The following HDX variants were observed in gnomAD, a reference collection of about 807,000 sequenced individuals.
The protein encoded by HDX is highly divergent homeobox.
A neutral mutation model predicts 45.2 loss-of-function variants in HDX; 19 were observed. The ratio of observed to expected loss-of-function variants is 0.42; its 90% CI spans 0.29 to 0.62. HDX has a LOEUF of 0.62. Ranked by LOEUF, HDX falls within the 20% of genes least tolerant of loss-of-function variation. The pLI is 0.20. For missense variants in HDX, 532 were observed against 493.9 expected (o/e 1.08, Z -0.73); for synonymous variants, 188 against 172.8 (o/e 1.09, Z -0.69).
intron 5 of HDX, among the ~76,000 whole-genome samples, chrX:84,421,344 G>A (rs1030569845): frequency 1.8e-5 from 2 of 111,468 alleles, no homozygotes; most frequent in Non-Finnish European, 3.8e-5. Flanking sequence ...TATGCAAGCA[G>A]GGTTAAGTTG....
chrX:84,428,622 A>G (rs1042322263), intron 5 of HDX, among the ~76,000 whole-genome samples: 1 of 111,367 alleles, frequency 9.0e-6, no homozygotes, highest in Admixed American at 9.5e-5. Context: ...TTAACTGACA[A>G]TAAGCTTTCC....
intron 4 of HDX, among the ~76,000 whole-genome samples, chrX:84,459,217 C>T (rs1236093018): frequency 9.0e-6 from 1 of 110,718 alleles, no homozygotes; most frequent in East Asian, 2.8e-4. Flanking sequence ...CCAAAGAGGG[C>T]GGATCACGAG....
chrX:84,446,361 A>G (rs1280305931), intron 4 of HDX, among the ~76,000 whole-genome samples: 5 of 112,160 alleles, frequency 4.5e-5, no homozygotes, highest in Non-Finnish European at 9.4e-5. Context: ...GAAATGAAGC[A>G]GTGTATTACA....
intron 4 of HDX, among the ~76,000 whole-genome samples, chrX:84,451,089 G>T (rs760996736): frequency 6.3e-5 from 7 of 111,402 alleles, no homozygotes; most frequent in Non-Finnish European, 5.7e-5. Flanking sequence ...AATTTAGACA[G>T]AATTGTATTA....
intron 5 of HDX, among the ~76,000 whole-genome samples, chrX:84,416,359 C>T (rs886330398): frequency 3.6e-5 from 4 of 111,467 alleles, no homozygotes; most frequent in East Asian, 2.8e-4. Flanking sequence ...TGAGGGGCAT[C>T]GATCCTGGTA....
intron 4 of HDX, among the ~76,000 whole-genome samples, chrX:84,459,969 C>G (rs988782458): frequency 2.7e-5 from 3 of 111,333 alleles, no homozygotes; most frequent in African/African-American, 9.8e-5. Context: ...ATACATACAA[C>G]CTACCAAAAT....
intron 5 of HDX, among the ~76,000 whole-genome samples, chrX:84,388,582 A>C (rs2147925220): frequency 8.9e-6 from 1 of 112,214 alleles, no homozygotes; most frequent in Admixed American, 9.4e-5. Flanking sequence ...TCCTCAGCTT[A>C]GCCTATTCTG....
Position 84,468,533 on chromosome X carries a change from A to G in HDX, c.1190T>C (p.Phe397Ser), listed in dbSNP as rs35161124. 200,549 of 1,179,557 alleles carry G rather than the reference A, an allele frequency of 0.17. 12,968 individuals carry two copies. Among genetic ancestry groups the G allele is most frequent in the Non-Finnish European group, 0.19 (165,595 of 870,835 alleles). Residue 397 changes from phenylalanine (F) to serine (S), a missense_variant, in exon 4 of 11, where the codon TTT (phenylalanine) becomes TCT (serine). Physicochemically the swap from Phe to Ser is radical, Grantham distance 155. Transcript: ENST00000373177. The part of the protein sequence containing the change: ...YSNTNPLRSN[F>S]SPHFASSNQL... Reference sequence around the variant, plus strand: ...GTTTGATGATGCAAAATGAGGAGAAAAATTACTCCGTAATGGATTGGTATT... The same window carrying G: ...GTTTGATGATGCAAAATGAGGAGAAGAATTACTCCGTAATGGATTGGTATT...
At chrX:84,362,884 G>T in intron 5 of HDX, among the ~76,000 whole-genome samples, 1 of 111,672 alleles carries the variant, frequency 9.0e-6, no homozygotes, top group Admixed American at 9.6e-5. Context: ...CTAAACAACA[G>T]TTGCAAGCAT....
At chrX:84,483,373 A>T (rs949262711) in intron 2 of HDX, among the ~76,000 whole-genome samples, 1 of 112,348 alleles carries the variant, frequency 8.9e-6, no homozygotes, top group African/African-American at 3.2e-5. Context: ...ATCTAGGTGG[A>T]GGTTCCCAAA....
chrX:84,340,118 G>C (rs2037055103), intron 7 of HDX, among the ~76,000 whole-genome samples: 1 of 110,330 alleles, frequency 9.1e-6, no homozygotes, highest in Admixed American at 9.7e-5. Context: ...GAAGGTGGGA[G>C]GTGGAAGGTG....
intron 3 of HDX, among the ~76,000 whole-genome samples, chrX:84,474,057 G>A (rs2040500332): frequency 1.8e-5 from 2 of 111,959 alleles, no homozygotes; most frequent in Admixed American, 9.4e-5. Context: ...TTGGGAGGTC[G>A]AGGCGGGCAG....
chrX:84,482,156 C>T (rs943056417), intron 2 of HDX, among the ~76,000 whole-genome samples: 21 of 111,440 alleles, frequency 1.9e-4, no homozygotes, highest in African/African-American at 5.5e-4. Context: ...TTTGTTATTA[C>T]GAATAGAGCT....
intron 9 of HDX, among the ~76,000 whole-genome samples, chrX:84,331,972 T>C (rs188726825): frequency 2.5e-4 from 28 of 111,709 alleles, no homozygotes; most frequent in African/African-American, 8.7e-4. Context: ...CATTAAGTGA[T>C]GCATAATGGT....
chrX:84,425,527 C>T (rs781133587), intron 5 of HDX, among the ~76,000 whole-genome samples: 5 of 111,786 alleles, frequency 4.5e-5, no homozygotes, highest in Middle Eastern at 4.6e-3. Context: ...TATGTTGCAG[C>T]GCTGTTTGCA....
At chrX:84,463,317 T>C (rs1327585786) in intron 4 of HDX, among the ~76,000 whole-genome samples, 1 of 111,401 alleles carries the variant, frequency 9.0e-6, no homozygotes, top group Admixed American at 9.6e-5. Flanking sequence ...CTCATTTTCC[T>C]CAGGTAAAAT....
rs773664695 is a variant in HDX at position 84,336,875 on chromosome X, G to C, written c.1666C>G (p.Pro556Ala). 8.6e-7 allele frequency: 1 copy of C among 1,160,513 alleles called. No homozygotes were observed. Among genetic ancestry groups the C allele is most frequent in the African/African-American group, 1.8e-5 (1 of 55,642 alleles). Residue 556 changes from proline to alanine, a missense_variant, in exon 8 of 11, where the codon CCC (proline) becomes GCC (alanine). Pro to Ala is a conservative substitution (Grantham distance 27). Transcript: ENST00000373177. ...GCATCATTCGGAACAACTTCATTGGGCTCTTCTACAGAAAAAAATGCCATA... is the reference window on the plus strand; with the variant it reads ...GCATCATTCGGAACAACTTCATTGGCCTCTTCTACAGAAAAAAATGCCATA... ...CLSEGSSQEE[P>A]NEVVPNDARA...
chrX:84,482,286 C>T (rs1463524051), intron 2 of HDX, among the ~76,000 whole-genome samples: 1 of 111,578 alleles, frequency 9.0e-6, no homozygotes, highest in Non-Finnish European at 1.9e-5. Context: ...AATCTCCATA[C>T]TGCTTTTCAT....
intron 8 of HDX, among the ~76,000 whole-genome samples, chrX:84,336,452 T>C (rs759798782): frequency 9.0e-6 from 1 of 111,289 alleles, no homozygotes; most frequent in Non-Finnish European, 1.9e-5. Context: ...CACGATCTCA[T>C]GCTAAACTCT....
Sources: gnomAD v4.1 joint callset for allele counts (sites outside exome capture counted in the v4.1 genomes callset) on GRCh38, gnomAD v4.1.1 for gene constraint, MANE v1.5 for transcripts, NCBI Gene and HGNC (gene_info 2026-07-23, HGNC 2026-07-21) for gene names.